Variants in QRICH1 observed in about 807,000 individuals in gnomAD.
The protein encoded by QRICH1 is glutamine rich 1.
In QRICH1, 16 loss-of-function variants were observed where a neutral mutation model predicts 87.1. The ratio of observed to expected loss-of-function variants is 0.18; its 90% CI spans 0.12 to 0.28. The LOEUF is 0.28. Among genes scored for constraint, QRICH1 ranks in the 10% least tolerant of loss-of-function variants. The pLI is 1.00. For synonymous variants in QRICH1, 367 were observed against 368.4 expected, an observed-to-expected ratio of 1.00 and a Z score of 0.05; for missense variants, 647 against 951.7, an observed-to-expected ratio of 0.68 and a Z score of 4.21.
chr3:49,063,849 T>C (rs2093449832), intron 2 of QRICH1, among the ~76,000 whole-genome samples: 1 of 152,214 alleles, frequency 6.6e-6, no homozygotes, highest in Non-Finnish European at 1.5e-5. Context: ...CTTGTTTACA[T>C]AGGTTATATC....
At chr3:49,079,399 TAAATA>T (rs1025976919) in intron 1 of QRICH1, among the ~76,000 whole-genome samples, 2 of 148,318 alleles carry the variant, frequency 1.3e-5, no homozygotes, top group Admixed American at 6.7e-5. Context: ...AAGAAATAAA[TAAATA>T]AAATAAAATA....
At chr3:49,085,261 C>T (rs1008040301) in intron 1 of QRICH1, among the ~76,000 whole-genome samples, 6 of 149,846 alleles carry the variant, frequency 4.0e-5, no homozygotes, top group African/African-American at 1.5e-4. Context: ...CTAAACCGGC[C>T]GAAAGAGGTG....
intron 3 of QRICH1, among the ~76,000 whole-genome samples, chr3:49,055,182 C>G (rs2093394038): frequency 6.6e-6 from 1 of 152,174 alleles, no homozygotes; most frequent in Non-Finnish European, 1.5e-5. Context: ...GATACTGCCT[C>G]TATGAAACCA....
chr3:49,062,793 G>C (rs1339534671), intron 2 of QRICH1, among the ~76,000 whole-genome samples: 1 of 151,642 alleles, frequency 6.6e-6, no homozygotes, highest in African/African-American at 2.4e-5. Flanking sequence ...GGATCATGAG[G>C]TCAGGAGATC....
At chr3:49,072,776 T>G (rs1317806716) in intron 2 of QRICH1, among the ~76,000 whole-genome samples, 2 of 152,046 alleles carry the variant, frequency 1.3e-5, no homozygotes, top group African/African-American at 4.8e-5. Flanking sequence ...GAACAGTGGC[T>G]CATGCCTATA....
chr3:49,055,311 C>T (rs560162343), intron 3 of QRICH1, among the ~76,000 whole-genome samples: 1 of 152,226 alleles, frequency 6.6e-6, no homozygotes, highest in East Asian at 1.9e-4. Flanking sequence ...CTATGCCCAC[C>T]GAGGCATAGC....
chr3:49,062,011 T>C (rs186197000), intron 2 of QRICH1, among the ~76,000 whole-genome samples: 21 of 152,196 alleles, frequency 1.4e-4, no homozygotes, highest in Non-Finnish European at 1.5e-4. Context: ...GGTAAGGATA[T>C]AGACAACTTG....
intron 7 of QRICH1, 107 bp from the exon 8 acceptor site, chr3:49,032,880 G>C: frequency 1.5e-6 from 2 of 1,357,328 alleles, no homozygotes; most frequent in Non-Finnish European, 2.0e-6. Context: ...ACATTCCCAA[G>C]ATCTGGGCAG....
intron 6 of QRICH1, among the ~76,000 whole-genome samples, chr3:49,035,586 T>C (rs2093269547): frequency 6.6e-6 from 1 of 151,598 alleles, no homozygotes; most frequent in Non-Finnish European, 1.5e-5. Context: ...GAGGACTGCT[T>C]GAACCCAGGA....
intron 1 of QRICH1, among the ~76,000 whole-genome samples, chr3:49,080,514 A>G (rs545877597): frequency 1.3e-5 from 2 of 152,262 alleles, no homozygotes; most frequent in African/African-American, 4.8e-5. Context: ...TTTAAAAAAA[A>G]ACAAGAAAAA....
chr3:49,067,679 A>G (rs915787041), intron 2 of QRICH1, among the ~76,000 whole-genome samples: 3 of 151,456 alleles, frequency 2.0e-5, no homozygotes, highest in Non-Finnish European at 4.4e-5. Context: ...CTAAATAATC[A>G]TATTAAGAAT....
intron 2 of QRICH1, among the ~76,000 whole-genome samples, chr3:49,061,062 G>A (rs1443628989): frequency 7.0e-6 from 1 of 142,242 alleles, no homozygotes; most frequent in East Asian, 2.2e-4. Context: ...TTGAACCCAG[G>A]AGGCGGAAGT....
chr3:49,050,166 G>A (rs939086926), intron 3 of QRICH1, among the ~76,000 whole-genome samples: 2 of 149,220 alleles, frequency 1.3e-5, no homozygotes, highest in Non-Finnish European at 3.0e-5. Context: ...GGAGAATGGC[G>A]TGAACCTGGG....
At chr3:49,085,922 G>C (rs913557688) in intron 1 of QRICH1, among the ~76,000 whole-genome samples, 1 of 151,950 alleles carries the variant, frequency 6.6e-6, no homozygotes. Context: ...TTCTTAATTA[G>C]CTCCAAGTAA....
intron 1 of QRICH1, among the ~76,000 whole-genome samples, chr3:49,077,565 A>G (rs374842215): frequency 2.0e-5 from 3 of 152,170 alleles, no homozygotes; most frequent in East Asian, 1.9e-4. Context: ...CAAAAATCCT[A>G]TTTTGCCATG....
intron 1 of QRICH1, 25 bp downstream of exon 1, chr3:49,093,887 T>G (rs1319708530): frequency 1.3e-5 from 2 of 149,032 alleles, no homozygotes; most frequent in Non-Finnish European, 2.8e-5. Flanking sequence ...CTTCGCCGCA[T>G]CCCCACCCGC....
chr3:49,052,833 C>T (rs774366786), intron 3 of QRICH1, among the ~76,000 whole-genome samples: 1 of 152,048 alleles, frequency 6.6e-6, no homozygotes, highest in Non-Finnish European at 1.5e-5. Context: ...ATGGCTTTGG[C>T]CTTGTCACTT....
intron 1 of QRICH1, among the ~76,000 whole-genome samples, chr3:49,089,368 AT>A (rs1169140985): frequency 6.6e-6 from 1 of 151,982 alleles, no homozygotes; most frequent in Non-Finnish European, 1.5e-5. Context: ...CCATGGTTCT[AT>A]TTTCAATCAG....
intron 2 of QRICH1, among the ~76,000 whole-genome samples, chr3:49,075,650 C>CA (rs750518053): frequency 7.7e-5 from 11 of 142,402 alleles, no homozygotes; most frequent in South Asian, 4.4e-4. Context: ...AACAAACAAA[C>CA]AAAAAAAAGG....
Sources: gnomAD v4.1 joint callset for allele counts (sites outside exome capture counted in the v4.1 genomes callset) on GRCh38, gnomAD v4.1.1 for gene constraint, MANE v1.5 for transcripts, NCBI Gene and HGNC (gene_info 2026-07-23, HGNC 2026-07-21) for gene names.